The following LSAMP variants were observed in gnomAD, a reference collection of about 807,000 sequenced individuals.
The protein encoded by LSAMP is limbic system-associated membrane protein.
LSAMP carries 7 observed loss-of-function variants against 38.6 expected under a neutral mutation model. The ratio of observed to expected loss-of-function variants is 0.18; its 90% CI spans 0.10 to 0.34. LSAMP has a LOEUF of 0.34. Among genes scored for constraint, LSAMP ranks in the 10% least tolerant of loss-of-function variants. The probability of loss-of-function intolerance (pLI) is 1.00; values close to 1 mark genes in which losing one functional copy is unlikely to be tolerated. For missense variants in LSAMP, 313 were observed against 420.0 expected (o/e 0.75, Z 2.23); for synonymous variants, 154 against 166.8 (o/e 0.92, Z 0.59).
chr3:116,438,152 T>G (rs2049382132), intron 1 of LSAMP, among the ~76,000 whole-genome samples: 1 of 150,812 alleles, frequency 6.6e-6, no homozygotes, highest in South Asian at 2.1e-4. Context: ...GGACTTGAAA[T>G]GACATAATAA....
Position 116,200,922 on chromosome 3 carries a change from C to T in LSAMP, c.156-114366G>A, listed in dbSNP as rs537821056. ...TCATCCCAAGCTCCCACCACCTTGT[C>T]AAACTCTTCAAGGGAAACATTATTG... On this transcript the variant is annotated intron_variant, in intron 1 of 6. Transcript: ENST00000490035. Among the ~76,000 whole-genome samples, 41 of 152,308 alleles carry T rather than the reference C, an allele frequency of 2.7e-4. 1 individual carries two copies. The South Asian group carries it at 8.3e-3, about 31-fold the overall frequency.
At chr3:115,902,394 C>T (rs778171917) in intron 3 of LSAMP, among the ~76,000 whole-genome samples, 2 of 152,030 alleles carry the variant, frequency 1.3e-5, no homozygotes, top group Admixed American at 6.6e-5. Flanking sequence ...CTATAAAACC[C>T]TGTAAGACAA....
intron 2 of LSAMP, among the ~76,000 whole-genome samples, chr3:116,043,037 G>A (rs1263685086): frequency 6.6e-6 from 1 of 152,088 alleles, no homozygotes; most frequent in East Asian, 1.9e-4. Flanking sequence ...ATAATTATTT[G>A]TTGTGGGAGT....
chr3:115,923,039 A>G (rs563413288), intron 3 of LSAMP, among the ~76,000 whole-genome samples: 91 of 152,234 alleles, frequency 6.0e-4, no homozygotes, highest in Non-Finnish European at 9.4e-4. Context: ...CACTGAACAC[A>G]CACTCTGTTA....
rs1491116358 is a variant in LSAMP at position 115,930,003 on chromosome 3, T to TTTTTG, written c.515-77387_515-77386insCAAAA. ...TCCAGATCTATAAATTTAGCAGAAG[T>TTTTTG]TTTTTTTTTTTTTTTTTTTTTTTGA... is the stretch of plus-strand genomic sequence containing the variant. On this transcript the variant is annotated intron_variant, in intron 3 of 6. Transcript: ENST00000490035. Among the ~76,000 whole-genome samples, 5 of 7,498 alleles carry TTTTTG rather than the reference T, an allele frequency of 6.7e-4. No individual in the cohort carries two copies. The East Asian group carries it at 9.9e-3, about 15-fold the overall frequency. The allele number at this position is 7,498 out of a possible 152,430, so 4.9% of individuals were successfully genotyped here.
chr3:116,105,183 A>AG (rs1316051882), intron 1 of LSAMP, among the ~76,000 whole-genome samples: 1 of 151,888 alleles, frequency 6.6e-6, no homozygotes, highest in African/African-American at 2.4e-5. Flanking sequence ...GGGGGAAAAA[A>AG]AAAAAAACTG....
chr3:116,300,645 A>C (rs1361963281), intron 1 of LSAMP, among the ~76,000 whole-genome samples: 1 of 152,152 alleles, frequency 6.6e-6, no homozygotes, highest in African/African-American at 2.4e-5. Flanking sequence ...TCTTATGAGA[A>C]TCTAACTAAT....
chr3:115,952,132 T>C (rs1462675755), intron 3 of LSAMP, among the ~76,000 whole-genome samples: 2 of 152,130 alleles, frequency 1.3e-5, no homozygotes, highest in East Asian at 3.9e-4. Context: ...TGTAGATTAG[T>C]ATAATCACAA....
At chr3:115,819,271 A>G (rs1328425513) in intron 6 of LSAMP, among the ~76,000 whole-genome samples, 1 of 152,018 alleles carries the variant, frequency 6.6e-6, no homozygotes, top group Non-Finnish European at 1.5e-5. Flanking sequence ...CGTCTCTACT[A>G]AAAATACAAC....
intron 2 of LSAMP, among the ~76,000 whole-genome samples, chr3:116,064,671 A>T (rs559723443): frequency 6.6e-6 from 1 of 152,328 alleles, no homozygotes; most frequent in East Asian, 1.9e-4. Context: ...AGCACCTACT[A>T]TATCAGGCAG....
At chr3:116,010,834 G>T (rs1940303451) in intron 3 of LSAMP, among the ~76,000 whole-genome samples, 1 of 152,158 alleles carries the variant, frequency 6.6e-6, no homozygotes, top group South Asian at 2.1e-4. Flanking sequence ...TTCACTCATG[G>T]TTTATTATCA....
intron 1 of LSAMP, among the ~76,000 whole-genome samples, chr3:116,394,563 C>T (rs552690748): frequency 6.6e-6 from 1 of 152,302 alleles, no homozygotes; most frequent in Admixed American, 6.5e-5. Context: ...AATTTTGACT[C>T]ATTAGAGCAT....
chr3:116,377,942 C>T (rs2048514982), intron 1 of LSAMP, among the ~76,000 whole-genome samples: 2 of 152,168 alleles, frequency 1.3e-5, no homozygotes, highest in South Asian at 4.1e-4. Context: ...GCATACTCCT[C>T]TGATAATACT....
chr3:115,859,689 C>A (rs1270835363), intron 3 of LSAMP, among the ~76,000 whole-genome samples: 11 of 152,146 alleles, frequency 7.2e-5, no homozygotes, highest in Admixed American at 7.2e-4. Context: ...TGAGCATGGG[C>A]CAAATGAAAA....
Position 116,391,970 on chromosome 3 carries a change from T to G in LSAMP, c.155+52907A>C, listed in dbSNP as rs189873066. ...ACTCCAAATGGCCAGGCCCAGGGCT[T>G]CAATCCACTCCCAAAGGCACCCCAT... On this transcript the variant is annotated intron_variant, in intron 1 of 6. Coordinates refer to ENST00000490035, the MANE Select transcript of LSAMP (RefSeq NM_002338.5). 2.8e-3 allele frequency among the ~76,000 whole-genome samples: 432 copies of G among 152,258 alleles called. 2 individuals carry two copies. The highest frequency in any genetic ancestry group is 9.9e-3 in the African/African-American group (411 of 41,544).
intron 1 of LSAMP, among the ~76,000 whole-genome samples, chr3:116,307,226 G>T (rs2047495573): frequency 6.6e-6 from 1 of 151,970 alleles, no homozygotes; most frequent in African/African-American, 2.4e-5. Flanking sequence ...CACTTAAATG[G>T]ACAGAACACT....
At chr3:116,023,156 A>ATG (rs1013966405) in intron 2 of LSAMP, among the ~76,000 whole-genome samples, 3 of 148,512 alleles carry the variant, frequency 2.0e-5, no homozygotes, top group South Asian at 2.1e-4. Context: ...ATATATACAT[A>ATG]TGTGTGTGTG....
intron 3 of LSAMP, among the ~76,000 whole-genome samples, chr3:115,925,856 A>G (rs998078796): frequency 3.9e-5 from 6 of 152,192 alleles, no homozygotes; most frequent in Non-Finnish European, 5.9e-5. Context: ...AATATGATGG[A>G]CTGAATAAAT....
chr3:116,207,472 G>A (rs1021016777), intron 1 of LSAMP, among the ~76,000 whole-genome samples: 121 of 149,654 alleles, frequency 8.1e-4, no homozygotes, highest in African/African-American at 2.7e-3. Context: ...GATTTTGCTC[G>A]TTAGTTGATG....
Sources: allele counts gnomAD v4.1 joint callset (sites outside exome capture counted in the v4.1 genomes callset), GRCh38; gene constraint gnomAD v4.1.1; transcripts MANE v1.5; gene names NCBI Gene and HGNC (gene_info 2026-07-23, HGNC 2026-07-21).